Variants in TACR3 observed in about 807,000 individuals in gnomAD.
TACR3 encodes tachykinin receptor 3.
Under a neutral mutation model 35.0 loss-of-function variants are expected in TACR3, and 34 were observed. The ratio of observed to expected loss-of-function variants is 0.97; its 90% CI spans 0.74 to 1.30. TACR3 has a LOEUF of 1.30. Among genes scored for constraint, TACR3 ranks in the 50% most tolerant of loss-of-function variants. The pLI is 0.00. For synonymous variants in TACR3, 233 were observed against 221.1 expected, an observed-to-expected ratio of 1.05 and a Z score of -0.48; for missense variants, 558 against 591.7, an observed-to-expected ratio of 0.94 and a Z score of 0.59.
At chr4:103,608,552 A>G (rs1352490653) in intron 3 of TACR3, among the ~76,000 whole-genome samples, 1 of 152,124 alleles carries the variant, frequency 6.6e-6, no homozygotes, top group Non-Finnish European at 1.5e-5. Flanking sequence ...TGAATCTGAA[A>G]TAAAAAAAGA....
intron 1 of TACR3, among the ~76,000 whole-genome samples, chr4:103,708,822 G>C (rs1284604196): frequency 6.6e-6 from 1 of 152,204 alleles, no homozygotes; most frequent in Non-Finnish European, 1.5e-5. Flanking sequence ...TGACCTGATA[G>C]AGGTGAAAGC....
chr4:103,714,338 C>G (rs745625995), intron 1 of TACR3, among the ~76,000 whole-genome samples: 1 of 152,048 alleles, frequency 6.6e-6, no homozygotes, highest in Non-Finnish European at 1.5e-5. Flanking sequence ...ATTACCCATT[C>G]AATTAATATA....
chr4:103,641,899 C>A (rs1311918986), intron 3 of TACR3, among the ~76,000 whole-genome samples: 2 of 151,756 alleles, frequency 1.3e-5, no homozygotes. Context: ...TTCATAATCT[C>A]ACTTACATGC....
rs1169514684 is a variant in TACR3, at chr4:103,691,105, C to G, written c.548+28023G>C. Among the ~76,000 whole-genome samples, 4 of 152,290 alleles carry G rather than the reference C, an allele frequency of 2.6e-5. No homozygotes were observed. The East Asian group carries it at 7.7e-4, about 29-fold the overall frequency. ...TTCTATACAACCCAACAATCTCACT[C>G]CTATTTTCTTGCCCTAGAGAAATGA... is the stretch of plus-strand genomic sequence containing the variant. On this transcript the variant is annotated intron_variant, in intron 1 of 4. Transcript: ENST00000304883.
intron 1 of TACR3, among the ~76,000 whole-genome samples, chr4:103,675,621 A>T (rs1726151279): frequency 6.6e-6 from 1 of 152,170 alleles, no homozygotes; most frequent in African/African-American, 2.4e-5. Flanking sequence ...TAGAATCTGA[A>T]ATGAAGATAT....
At chr4:103,611,219 G>A (rs1257308181) in intron 3 of TACR3, among the ~76,000 whole-genome samples, 3 of 152,148 alleles carry the variant, frequency 2.0e-5, no homozygotes, top group African/African-American at 7.2e-5. Flanking sequence ...GGGTAGTATG[G>A]ATATTTTAGC....
At chr4:103,712,224 C>T (rs922383491) in intron 1 of TACR3, among the ~76,000 whole-genome samples, 21 of 152,184 alleles carry the variant, frequency 1.4e-4, no homozygotes, top group Non-Finnish European at 2.5e-4. Context: ...CTGGAGGCAT[C>T]ACGCTACCTG....
chr4:103,654,337 C>T (rs1445625324), intron 3 of TACR3, among the ~76,000 whole-genome samples: 1 of 151,586 alleles, frequency 6.6e-6, no homozygotes, highest in Non-Finnish European at 1.5e-5. Flanking sequence ...GAAACTGTGG[C>T]ACATATACAC....
In TACR3 at chr4:103,656,236, A is replaced by G. The variant is rs1370607899; in HGVS notation, c.846T>C (p.Asp282=). ...ITLWGGEIPG[D]TCDKYHEQLK... is the part of the protein sequence containing the mutation. ...GCTGCTCATGATACTTGTCACAGGT[A>G]TCTCCTGGGATTTCTCCTCCCCAGA... Residue 282 remains aspartate, a synonymous_variant, in exon 3 of 5, where the codon GAT becomes GAC. Coordinates refer to ENST00000304883, the MANE Select transcript of TACR3 (RefSeq NM_001059.3). The G allele has an allele frequency of 1.2e-6, 2 of 1,613,054 alleles. No homozygotes were observed. Among genetic ancestry groups the G allele is most frequent in the Admixed American group, 3.3e-5 (2 of 59,918 alleles).
In TACR3 at chr4:103,689,611, G is replaced by A. The variant is rs1247084619; in HGVS notation, c.548+29517C>T. ...GAAAGCATCAAGGAATTTAAAGGTA[G>A]AACAATAGAGATTTTTCAATCTGAA... On this transcript the variant is annotated intron_variant, in intron 1 of 4. Coordinates refer to ENST00000304883, the MANE Select transcript of TACR3 (RefSeq NM_001059.3). Among the ~76,000 whole-genome samples, 6 of 151,748 alleles carry A rather than the reference G, an allele frequency of 4.0e-5. No individual in the cohort carries two copies. In the South Asian group the frequency reaches 8.3e-4, roughly 21 times the overall value.
Position 103,654,041 on chromosome 4 carries a change from G to A in TACR3, c.888+2153C>T, listed in dbSNP as rs1186334464. On this transcript the variant is annotated intron_variant, in intron 3 of 4. Transcript: ENST00000304883. ...AGAATGGCGAGCATTAAAAAGTCAGGAAACAACAGGTGCTGGAGAGGATGT... is the reference window on the plus strand; with the variant it reads ...AGAATGGCGAGCATTAAAAAGTCAGAAAACAACAGGTGCTGGAGAGGATGT... Among the ~76,000 whole-genome samples, 372 of 139,116 alleles carry A rather than the reference G, an allele frequency of 2.7e-3. 1 individual carries two copies. Among genetic ancestry groups the A allele is most frequent in the Middle Eastern group, 0.018 (5 of 282 alleles). The allele number at this position is 139,116 out of a possible 152,430, so 91.3% of individuals were successfully genotyped here.
chr4:103,689,485 G>T (rs1722350546), intron 1 of TACR3, among the ~76,000 whole-genome samples: 1 of 151,822 alleles, frequency 6.6e-6, no homozygotes, highest in Non-Finnish European at 1.5e-5. Flanking sequence ...CAAAGATATA[G>T]AAATTACAAA....
chr4:103,669,239 C>G (rs1458057758), intron 1 of TACR3, among the ~76,000 whole-genome samples: 1 of 151,982 alleles, frequency 6.6e-6, no homozygotes, highest in Non-Finnish European at 1.5e-5. Context: ...TCTAATATAC[C>G]ACATTTTCTC....
intron 1 of TACR3, among the ~76,000 whole-genome samples, chr4:103,703,071 TA>T (rs1722697786): frequency 6.6e-6 from 1 of 152,086 alleles, no homozygotes; most frequent in Non-Finnish European, 1.5e-5. Context: ...TAAAATAAAA[TA>T]AAATGTTGCT....
At chr4:103,654,074 T>C (rs1725679782) in intron 3 of TACR3, among the ~76,000 whole-genome samples, 1 of 146,116 alleles carries the variant, frequency 6.8e-6, no homozygotes, top group Non-Finnish European at 1.5e-5. Flanking sequence ...TGTGGGGAAA[T>C]AGGAACACTT....
In TACR3 at chr4:103,719,957, G is replaced by A; in HGVS notation, c.-282C>T. The A allele has an allele frequency of 3.7e-6, 2 of 540,730 alleles. 1 individual carries two copies. The highest frequency in any genetic ancestry group is 4.9e-5 in the South Asian group (2 of 40,570). The allele number at this position is 540,730 out of a possible 1,614,324, so 33.5% of individuals were successfully genotyped here. On this transcript the variant is annotated 5_prime_UTR_variant, in exon 1 of 5. Coordinates refer to ENST00000304883, the MANE Select transcript of TACR3 (RefSeq NM_001059.3). Reference sequence around the variant, plus strand: ...GAGTCACATCACACGTAGGGAGGGTGCCAGCTGCCCGGCACAGGCTGGAGA... The same window carrying A: ...GAGTCACATCACACGTAGGGAGGGTACCAGCTGCCCGGCACAGGCTGGAGA...
intron 1 of TACR3, among the ~76,000 whole-genome samples, chr4:103,673,943 A>G (rs1726105712): frequency 6.6e-6 from 1 of 152,222 alleles, no homozygotes; most frequent in Admixed American, 6.6e-5. Context: ...GTACAACTCC[A>G]TTCAATTTCA....
intron 3 of TACR3, among the ~76,000 whole-genome samples, chr4:103,651,947 C>T (rs1294579267): frequency 6.6e-6 from 1 of 152,064 alleles, no homozygotes; most frequent in Non-Finnish European, 1.5e-5. Context: ...CTTATTGTGG[C>T]TGAGCTAGTA....
chr4:103,671,262 G>C (rs937701645), intron 1 of TACR3, among the ~76,000 whole-genome samples: 1 of 151,334 alleles, frequency 6.6e-6, no homozygotes, highest in Non-Finnish European at 1.5e-5. Flanking sequence ...TTGTGGTAGT[G>C]TCTCTGCCTG....
Sources: allele counts gnomAD v4.1 joint callset (sites outside exome capture counted in the v4.1 genomes callset), GRCh38; gene constraint gnomAD v4.1.1; transcripts MANE v1.5; gene names NCBI Gene and HGNC (gene_info 2026-07-23, HGNC 2026-07-21).